Variants in SLC25A48 observed in about 807,000 individuals in gnomAD.
The protein encoded by SLC25A48 is solute carrier family 25 member 48.
In SLC25A48, 29 loss-of-function variants were observed where a neutral mutation model predicts 32.2. The observed-to-expected ratio is 0.90, with a 90% CI of 0.67 to 1.23. The LOEUF (loss-of-function observed/expected upper bound fraction) is 1.23. Ranked by LOEUF, SLC25A48 falls within the 50% of genes most tolerant of loss-of-function variation. The probability of loss-of-function intolerance (pLI) is 0.00; values close to 1 mark genes in which losing one functional copy is unlikely to be tolerated. For synonymous variants in SLC25A48, 164 were observed against 172.3 expected (o/e 0.95, Z 0.38); for missense variants, 399 against 422.7 (o/e 0.94, Z 0.49).
intron 3 of SLC25A48, among the ~76,000 whole-genome samples, chr5:135,773,532 C>G (rs1756471281): frequency 6.6e-6 from 1 of 151,230 alleles, no homozygotes. Flanking sequence ...GTACATTCCC[C>G]TATGATACTG....
chr5:135,769,072 G>A (rs1274738382), intron 3 of SLC25A48, among the ~76,000 whole-genome samples: 1 of 151,580 alleles, frequency 6.6e-6, no homozygotes, highest in Non-Finnish European at 1.5e-5. Context: ...CAGTATTGCA[G>A]GGGGTGTAAA....
chr5:135,834,505 G>T, upstream of SLC25A48: 1 of 344,216 alleles, frequency 2.9e-6, no homozygotes. Flanking sequence ...AAGTTGGCAA[G>T]GAAGAGGATA....
At chr5:135,740,720 G>A (rs565654933) in intron 3 of SLC25A48, among the ~76,000 whole-genome samples, 12 of 152,298 alleles carry the variant, frequency 7.9e-5, no homozygotes, top group African/African-American at 2.9e-4. Flanking sequence ...GGTTTAACAA[G>A]CTCTTTCAAT....
chr5:135,616,314 T>A (rs1752191607), intron 1 of SLC25A48, among the ~76,000 whole-genome samples: 1 of 152,050 alleles, frequency 6.6e-6, no homozygotes, highest in Non-Finnish European at 1.5e-5. Context: ...CTGCAGACAC[T>A]CAGTGCCAGC....
At chr5:135,695,481 G>A (rs917626941) in intron 3 of SLC25A48, among the ~76,000 whole-genome samples, 5 of 152,210 alleles carry the variant, frequency 3.3e-5, no homozygotes, top group Non-Finnish European at 7.3e-5. Flanking sequence ...AGCATGCTTT[G>A]CAGGTGGCAG....
chr5:135,663,510 T>C (rs17736119), intron 3 of SLC25A48, among the ~76,000 whole-genome samples: 28,759 of 152,192 alleles, frequency 0.19, 2,935 homozygotes, highest in Middle Eastern at 0.31. Context: ...TGCTCTAAAG[T>C]AATATCATTT....
chr5:135,851,020 C>A (rs1247310063), intron 3 of SLC25A48, among the ~76,000 whole-genome samples: 2 of 152,184 alleles, frequency 1.3e-5, no homozygotes, highest in African/African-American at 4.8e-5. Flanking sequence ...TCAGCATGTG[C>A]TTCAGGAAAA....
At chr5:135,585,659 T>C (rs2126872283) in intron 1 of SLC25A48, among the ~76,000 whole-genome samples, 1 of 152,354 alleles carries the variant, frequency 6.6e-6, no homozygotes. Flanking sequence ...AATGAATTAA[T>C]GTGGATCACA....
chr5:135,765,522 A>G (rs1196445377), intron 3 of SLC25A48, among the ~76,000 whole-genome samples: 1 of 150,778 alleles, frequency 6.6e-6, no homozygotes, highest in Non-Finnish European at 1.5e-5. Flanking sequence ...ATTACACCCC[A>G]TATTGCTGGG....
At chr5:135,732,732 G>C (rs936353622) in intron 3 of SLC25A48, among the ~76,000 whole-genome samples, 5 of 152,134 alleles carry the variant, frequency 3.3e-5, no homozygotes, top group Non-Finnish European at 2.9e-5. Context: ...TATTTTCCTT[G>C]GTGCAAGAAC....
At chr5:135,588,466 C>G (rs1751425028) in intron 1 of SLC25A48, among the ~76,000 whole-genome samples, 1 of 152,200 alleles carries the variant, frequency 6.6e-6, no homozygotes, top group African/African-American at 2.4e-5. Flanking sequence ...GGTTGCAGGG[C>G]TGCGGGGGCT....
At chr5:135,696,694 C>G (rs1425057660) in intron 3 of SLC25A48, among the ~76,000 whole-genome samples, 2 of 152,196 alleles carry the variant, frequency 1.3e-5, no homozygotes, top group African/African-American at 4.8e-5. Flanking sequence ...GCCACATTGT[C>G]CCAGTTCCTA....
chr5:135,810,039 C>T (rs1757557879), intron 3 of SLC25A48, among the ~76,000 whole-genome samples: 1 of 152,092 alleles, frequency 6.6e-6, no homozygotes, highest in Non-Finnish European at 1.5e-5. Context: ...GGTCTCAATA[C>T]ATTGTCCAGG....
intron 2 of SLC25A48, among the ~76,000 whole-genome samples, chr5:135,632,423 A>T (rs1752597606): frequency 6.6e-6 from 1 of 152,164 alleles, no homozygotes; most frequent in Admixed American, 6.5e-5. Flanking sequence ...AATGCCAAAG[A>T]GAGGCACAGT....
intron 1 of SLC25A48, 64 bp from the exon 2 acceptor site, chr5:135,842,352 A>G (rs1759077033): frequency 2.6e-6 from 4 of 1,555,590 alleles, no homozygotes; most frequent in Non-Finnish European, 3.5e-6. Context: ...TTGTCCCAAG[A>G]GCTGGCTGGT....
chr5:135,765,152 T>G (rs1756174789), intron 3 of SLC25A48, among the ~76,000 whole-genome samples: 1 of 151,130 alleles, frequency 6.6e-6, no homozygotes, highest in Admixed American at 6.6e-5. Context: ...AAAGGGGAGA[T>G]GGTGATATTA....
chr5:135,816,709 G>T (rs936449583), intron 4 of SLC25A48, among the ~76,000 whole-genome samples: 18 of 152,102 alleles, frequency 1.2e-4, no homozygotes, highest in African/African-American at 3.1e-4. Flanking sequence ...TACTAGATTT[G>T]CCCTCCCACT....
At chr5:135,872,002 A>T (rs1761695229) in intron 5 of SLC25A48, 1 of 1,313,766 alleles carries the variant, frequency 7.6e-7, no homozygotes, top group South Asian at 3.0e-5. Flanking sequence ...TTGGAAAGGA[A>T]ATCCATTATC....
chr5:135,819,396 A>G (rs866604062), intron 4 of SLC25A48, among the ~76,000 whole-genome samples: 8 of 152,340 alleles, frequency 5.3e-5, no homozygotes, highest in South Asian at 2.1e-4. Flanking sequence ...CAACAGGGAT[A>G]TATCCATGCA....
Sources: gnomAD v4.1 joint callset for allele counts (sites outside exome capture counted in the v4.1 genomes callset) on GRCh38, gnomAD v4.1.1 for gene constraint, MANE v1.5 for transcripts, NCBI Gene and HGNC (gene_info 2026-07-23, HGNC 2026-07-21) for gene names.